ANP32B: variants seen among roughly 807,000 people sequenced by gnomAD.
ANP32B encodes the protein acidic nuclear phosphoprotein 32 family member B.
ANP32B carries 6 observed loss-of-function variants against 32.2 expected under a neutral mutation model. The observed-to-expected ratio is 0.19, with a 90% confidence interval of 0.10 to 0.37. The LOEUF (loss-of-function observed/expected upper bound fraction) is 0.37. ANP32B is among the 10% of genes least tolerant of loss of function. The pLI, the probability that ANP32B is intolerant of heterozygous loss-of-function variation, is 1.00. For missense variants in ANP32B, 204 were observed against 289.2 expected, an observed-to-expected ratio of 0.71 and a Z score of 2.14; for synonymous variants, 98 against 105.8, an observed-to-expected ratio of 0.93 and a Z score of 0.45.
chr9:98,008,865 T>C (rs912787697), intron 4 of ANP32B, among the ~76,000 whole-genome samples: 6 of 152,214 alleles, frequency 3.9e-5, no homozygotes, highest in Non-Finnish European at 7.3e-5. Context: ...ATAATGCGTT[T>C]GAATCATCCT....
intron 3 of ANP32B, among the ~76,000 whole-genome samples, chr9:98,000,686 G>C (rs1827974979): frequency 6.6e-6 from 1 of 152,144 alleles, no homozygotes; most frequent in Non-Finnish European, 1.5e-5. Flanking sequence ...CACTTTGGGA[G>C]GCCGAGGCGG....
chr9:97,999,536 T>C (rs1827956351), intron 3 of ANP32B, among the ~76,000 whole-genome samples: 1 of 152,192 alleles, frequency 6.6e-6, no homozygotes, highest in Admixed American at 6.5e-5. Flanking sequence ...TGGGATAAGA[T>C]ATGAAAAGCT....
At chr9:97,989,563 T>G (rs1290818110) in intron 1 of ANP32B, among the ~76,000 whole-genome samples, 3 of 152,138 alleles carry the variant, frequency 2.0e-5, no homozygotes, top group Non-Finnish European at 4.4e-5. Context: ...CTGCCTAACT[T>G]TCTTCATTAG....
At chr9:97,993,022 C>T (rs1827853858) in intron 1 of ANP32B, among the ~76,000 whole-genome samples, 1 of 152,156 alleles carries the variant, frequency 6.6e-6, no homozygotes, top group South Asian at 2.1e-4. Context: ...GTCTCCAGAG[C>T]CCAGCTTTTG....
chr9:98,014,734 G>A (rs912628739), intron 6 of ANP32B, among the ~76,000 whole-genome samples: 3 of 152,172 alleles, frequency 2.0e-5, no homozygotes, highest in East Asian at 1.9e-4. Context: ...TCTTGAAGAC[G>A]TGCTAGATAG....
chr9:97,984,454 C>T (rs1027848714), intron 1 of ANP32B: 11 of 151,676 alleles, frequency 7.3e-5, no homozygotes, highest in Non-Finnish European at 1.0e-4. Flanking sequence ...ACGGCCTCGC[C>T]CTTCCCCCTG....
intron 4 of ANP32B, 114 bp from the exon 5 acceptor site, chr9:98,011,157 T>C: frequency 1.4e-6 from 2 of 1,427,538 alleles, no homozygotes; most frequent in Non-Finnish European, 1.9e-6. Context: ...AGAAAGTGAC[T>C]GCAGTTCGTG....
In ANP32B at chr9:97,983,670, C is replaced by G. The variant is rs1195555064; in HGVS notation, c.54+61C>G. On this transcript the variant is annotated intron_variant, in intron 1 of 6. Coordinates refer to ENST00000339399, the MANE Select transcript of ANP32B (RefSeq NM_006401.3). ...ATGACTTGCATGTAATGGTGGCCAC[C>G]TGCGGGGCCCGGGCTGAGGGTTCGC... The G allele has an allele frequency of 3.7e-6, 5 of 1,356,134 alleles. No individual in the cohort carries two copies. In the East Asian group the frequency reaches 1.2e-4, roughly 32 times the overall value. The allele number at this position is 1,356,134 out of a possible 1,614,324, so 84.0% of individuals were successfully genotyped here.
intron 4 of ANP32B, among the ~76,000 whole-genome samples, chr9:98,006,016 T>C (rs1587878815): frequency 6.6e-6 from 1 of 152,194 alleles, no homozygotes; most frequent in East Asian, 1.9e-4. Context: ...GGAACGAGAA[T>C]CCTATTGTGA....
At chr9:98,008,969 A>C (rs1338720809) in intron 4 of ANP32B, among the ~76,000 whole-genome samples, 3 of 152,200 alleles carry the variant, frequency 2.0e-5, no homozygotes, top group Non-Finnish European at 4.4e-5. Context: ...GTCCTACTGC[A>C]CTACAGTCAT....
rs1828201391 is a variant in ANP32B, at chr9:98,012,412, ATTCT to A, written c.637-6_637-3del. The A allele has an allele frequency of 1.9e-6, 3 of 1,611,738 alleles. No homozygotes were observed. The highest frequency in any genetic ancestry group is 1.7e-5 in the Admixed American group (1 of 59,454). On this transcript the variant is annotated splice_region_variant and splice_polypyrimidine_tract_variant and intron_variant, in intron 5 of 6. Transcript: ENST00000339399. ...TTAATTTAATGTTATGCTGTTTGCT[ATTCT>A]TTAGGAAGAAGAATTTGGACTTGAT...
At chr9:97,987,730 T>A (rs1260118463) in intron 1 of ANP32B, 1 of 152,190 alleles carries the variant, frequency 6.6e-6, no homozygotes, top group African/African-American at 2.4e-5. Flanking sequence ...ACTGTGACAT[T>A]TCATATACCA....
intron 1 of ANP32B, among the ~76,000 whole-genome samples, chr9:97,993,696 C>T (rs906889366): frequency 6.6e-6 from 1 of 152,196 alleles, no homozygotes; most frequent in African/African-American, 2.4e-5. Context: ...AGTGCAATGG[C>T]GAAATCTCGG....
chr9:98,001,123 C>CA (rs1250018224), intron 3 of ANP32B, among the ~76,000 whole-genome samples: 10 of 151,778 alleles, frequency 6.6e-5, no homozygotes, highest in Non-Finnish European at 1.5e-5. Context: ...TAGTGACAGA[C>CA]ATACTAATCC....
In ANP32B at chr9:97,986,343, G is replaced by A. The variant is rs539821662; in HGVS notation, c.54+2734G>A. ...CCTGAGAAACCATTGAGGTGGTGTG[G>A]TGCTTTTTGCACTTGGGAGAGTTGA... On this transcript the variant is annotated intron_variant, in intron 1 of 6. Transcript: ENST00000339399. 2.5e-3 allele frequency among the ~76,000 whole-genome samples: 385 copies of A among 152,374 alleles called. 2 individuals carry two copies. The highest frequency in any genetic ancestry group is 0.018 in the South Asian group (89 of 4,830).
At chr9:97,987,121 A>T (rs1317061476) in intron 1 of ANP32B, among the ~76,000 whole-genome samples, 2 of 152,184 alleles carry the variant, frequency 1.3e-5, no homozygotes, top group East Asian at 3.8e-4. Flanking sequence ...CCTTATAAAC[A>T]CAAGTATGCC....
chr9:97,991,290 T>A (rs1477011936), intron 1 of ANP32B, among the ~76,000 whole-genome samples: 2 of 152,038 alleles, frequency 1.3e-5, no homozygotes, highest in East Asian at 3.9e-4. Context: ...TAATTATTTA[T>A]TTTTTGTAGA....
intron 6 of ANP32B, among the ~76,000 whole-genome samples, chr9:98,014,071 T>C (rs1398156268): frequency 6.6e-6 from 1 of 152,168 alleles, no homozygotes; most frequent in Non-Finnish European, 1.5e-5. Context: ...GGCTGATGTT[T>C]TCTCAGCATC....
intron 4 of ANP32B, among the ~76,000 whole-genome samples, chr9:98,007,811 A>G (rs2131590698): frequency 6.6e-6 from 1 of 152,302 alleles, no homozygotes; most frequent in South Asian, 2.1e-4. Context: ...ATTAAAGTAC[A>G]TGCCCTTAAC....
Sources: allele counts gnomAD v4.1 joint callset (sites outside exome capture counted in the v4.1 genomes callset), GRCh38; gene constraint gnomAD v4.1.1; transcripts MANE v1.5; gene names NCBI Gene and HGNC (gene_info 2026-07-23, HGNC 2026-07-21).